GPS1: variants seen among roughly 807,000 people sequenced by gnomAD.
The protein encoded by GPS1 is COP9 signalosome complex subunit 1.
In GPS1, 11 loss-of-function variants were observed where a neutral mutation model predicts 60.0. The ratio of observed to expected loss-of-function variants is 0.18; its 90% CI spans 0.12 to 0.30. The LOEUF is 0.30. Among genes scored for constraint, GPS1 ranks in the 10% least tolerant of loss-of-function variants. The pLI is 1.00. For missense variants in GPS1, 543 were observed against 669.2 expected, an observed-to-expected ratio of 0.81 and a Z score of 2.08; for synonymous variants, 343 against 269.8, an observed-to-expected ratio of 1.27 and a Z score of -2.66.
intron 2 of GPS1, 97 bp from the exon 3 acceptor site, chr17:82,053,771 T>C: frequency 8.1e-7 from 1 of 1,239,308 alleles, no homozygotes; most frequent in East Asian, 2.5e-5. Flanking sequence ...GGCGACATTC[T>C]GGCTAGGACA....
chr17:82,057,013 G>A lies in GPS1; in HGVS notation c.1389+39G>A, dbSNP rs1053501423. On this transcript the variant is annotated intron_variant, in intron 12 of 12. Coordinates refer to ENST00000578552, the MANE Select transcript of GPS1 (RefSeq NM_001321092.3). ...AGGGGGGGCAGGCGCACGGCGTGTG[G>A]GGCCTGGTGGCTGTGAGCTGCTCCT... is the stretch of plus-strand genomic sequence containing the variant. The A allele has an allele frequency of 3.7e-6, 6 of 1,611,494 alleles. No individual in the cohort carries two copies. The South Asian group carries it at 5.5e-5, about 15-fold the overall frequency.
chr17:82,056,694 C>A lies in GPS1; in HGVS notation c.1182C>A (p.Ala394=), dbSNP rs780251135. 6.3e-7 allele frequency: 1 copy of A among 1,595,636 alleles called. No homozygotes were observed. ...CGGCAGCCTTCAATACCACGGTGGCCGCCCTGGAGGACGAGCTGACGCAGC... is the reference window on the plus strand; with the variant it reads ...CGGCAGCCTTCAATACCACGGTGGCAGCCCTGGAGGACGAGCTGACGCAGC... ...RMAAAFNTTV[A]ALEDELTQLI... The change falls in exon 11 of 13, where the codon GCC becomes GCA. Residue 394 remains alanine, a synonymous_variant. Transcript: ENST00000578552.
rs534337750 is a variant in GPS1 at position 82,053,854 on chromosome 17, G to T, written c.127-14G>T. On this transcript the variant is annotated splice_polypyrimidine_tract_variant and intron_variant, in intron 2 of 12. Coordinates refer to ENST00000578552, the MANE Select transcript of GPS1 (RefSeq NM_001321092.3). ...CTCCCATCCTGCCTGACTCTTGTCTGTGCCTGCTCCCAGGATCTGGAACAG... is the reference window on the plus strand; with the variant it reads ...CTCCCATCCTGCCTGACTCTTGTCTTTGCCTGCTCCCAGGATCTGGAACAG... 5.4e-5 allele frequency: 87 copies of T among 1,600,178 alleles called. No homozygotes were observed. The highest frequency in any genetic ancestry group is 7.3e-5 in the Non-Finnish European group (86 of 1,173,664).
intron 6 of GPS1, chr17:82,055,428 G>A: frequency 1.6e-6 from 1 of 638,188 alleles, no homozygotes; most frequent in Non-Finnish European, 2.8e-6. Context: ...GGGTCTGGCT[G>A]CTGTCACTGT....
chr17:82,051,914 C>A lies in GPS1; in HGVS notation c.-18C>A. 8.6e-7 allele frequency: 1 copy of A among 1,161,636 alleles called. No homozygotes were observed. The highest frequency in any genetic ancestry group is 1.1e-6 in the Non-Finnish European group (1 of 941,770). 72.0% of individuals were successfully genotyped at this position (1,161,636 alleles called of 1,614,324 possible). On this transcript the variant is annotated 5_prime_UTR_variant, in exon 1 of 13. Transcript: ENST00000578552. This position sits in a 1 kb window ranked among gnomAD's most constrained non-coding sequence, Gnocchi z 4.1. Reference sequence around the variant, plus strand: ...TGCCCCGGAAGTGGACGGCACGCCGCGGCGGGGTGGGTGCAAGATGCCGCT... The same window carrying A: ...TGCCCCGGAAGTGGACGGCACGCCGAGGCGGGGTGGGTGCAAGATGCCGCT...
In GPS1 at chr17:82,057,073, C is replaced by A; in HGVS notation, c.1410C>A (p.Ser470Arg). 1 of 1,586,110 alleles carries A rather than the reference C, an allele frequency of 6.3e-7. No homozygotes were observed. Among genetic ancestry groups the A allele is most frequent in the South Asian group, 1.1e-5 (1 of 87,154 alleles). The change falls in exon 13 of 13, where the codon AGC becomes AGA. Residue 470 changes from serine (S) to arginine (R), a missense_variant. Physicochemically the swap from Ser to Arg is moderately radical, Grantham distance 110. Coordinates refer to ENST00000578552, the MANE Select transcript of GPS1 (RefSeq NM_001321092.3). The stretch of plus-strand genomic sequence containing the variant: ...TGCAGTCCCCGCCCAGAGAAGGGAG[C>A]CAGGGGGAGCTGACTCCAGCCAACA... ...IHVKSPPREG[S>R]QGELTPANSQ... is the part of the protein sequence containing the mutation.
At chr17:82,051,051 G>A (rs1049925607), upstream of GPS1, 10 of 1,389,460 alleles carry the variant, frequency 7.2e-6, no homozygotes, top group African/African-American at 4.4e-5. This position sits in a 1 kb window ranked among gnomAD's most constrained non-coding sequence, Gnocchi z 4.1. Context: ...CGCTTCTTCA[G>A]GGGACGTGGC....
chr17:82,055,308 T>TA, intron 6 of GPS1, 86 bp downstream of exon 6: 1 of 1,383,116 alleles, frequency 7.2e-7, no homozygotes, highest in Non-Finnish European at 1.0e-6. Flanking sequence ...GGTCCCTGCC[T>TA]CAGCCAGGGA....
intron 7 of GPS1, 24 bp downstream of exon 7, chr17:82,055,849 G>A (rs1160118852): frequency 1.3e-6 from 2 of 1,549,748 alleles, no homozygotes; most frequent in East Asian, 2.4e-5. Flanking sequence ...TGGGGACTTG[G>A]GAGGCAGAGC....
chr17:82,054,495 C>T lies in GPS1; in HGVS notation c.309-15C>T. 6.7e-7 allele frequency: 1 copy of T among 1,490,508 alleles called. No individual in the cohort carries two copies. The highest frequency in any genetic ancestry group is 8.9e-7 in the Non-Finnish European group (1 of 1,123,750). The allele number at this position is 1,490,508 out of a possible 1,614,324, so 92.3% of individuals were successfully genotyped here. A position where few individuals can be genotyped will look rare whatever the true frequency, so the allele number is the denominator to read the frequency against. Reference sequence around the variant, plus strand: ...CCGTGACCGCCGCCATCCTGATGGCCAGGTCCTCTCTCAGGGAGCTGCAGA... The same window carrying T: ...CCGTGACCGCCGCCATCCTGATGGCTAGGTCCTCTCTCAGGGAGCTGCAGA... On this transcript the variant is annotated splice_polypyrimidine_tract_variant and intron_variant, in intron 3 of 12. Transcript: ENST00000578552.
intron 1 of GPS1, chr17:82,052,692 G>A: frequency 1.8e-6 from 1 of 560,074 alleles, no homozygotes; most frequent in South Asian, 2.2e-5. Flanking sequence ...CGGCATGGCG[G>A]CTTTTCCAGC....
Position 82,051,974 on chromosome 17 carries a change from C to T in GPS1, c.33+10C>T, listed in dbSNP as rs564117327. ...GGTGTTTAACTTGCAGGTAACGAGC[C>T]GAGGCCGCCCCGGGCCTCCGCGCCC... is the stretch of plus-strand genomic sequence containing the variant. On this transcript the variant is annotated intron_variant, in intron 1 of 12. Coordinates refer to ENST00000578552, the MANE Select transcript of GPS1 (RefSeq NM_001321092.3). The surrounding 1 kb of genome is among the most constrained non-coding windows in gnomAD (Gnocchi z 4.1). 41 of 1,158,812 alleles carry T rather than the reference C, an allele frequency of 3.5e-5. No individual in the cohort carries two copies. The South Asian group carries it at 1.5e-3, about 44-fold the overall frequency. The allele number at this position is 1,158,812 out of a possible 1,614,324, so 71.8% of individuals were successfully genotyped here. A position where few individuals can be genotyped will look rare whatever the true frequency, so the allele number is the denominator to read the frequency against.
At chr17:82,051,616 C>G (rs1278573828), upstream of GPS1, 5 of 1,148,860 alleles carry the variant, frequency 4.4e-6, no homozygotes, top group Non-Finnish European at 5.4e-6. The surrounding 1 kb of genome is among the most constrained non-coding windows in gnomAD (Gnocchi z 4.1). Flanking sequence ...CTGGGGGCAG[C>G]GGGCCGGGAC....
upstream of GPS1, chr17:82,051,283 G>T: frequency 7.2e-7 from 1 of 1,383,582 alleles, no homozygotes; most frequent in Non-Finnish European, 9.4e-7. The surrounding 1 kb of genome is among the most constrained non-coding windows in gnomAD (Gnocchi z 4.1). Context: ...CGGGGAGTGG[G>T]GGACACTCAC....
Position 82,052,331 on chromosome 17 carries a change from T to C in GPS1, c.33+367T>C, listed in dbSNP as rs146708684. ...AATGAGGGATAGCTCGGCCCCCAGC[T>C]CGGCCTCCTCGTCAGTGACAGATCT... On this transcript the variant is annotated intron_variant, in intron 1 of 12. Transcript: ENST00000578552. 67 of 1,612,922 alleles carry C rather than the reference T, an allele frequency of 4.2e-5. No homozygotes were observed. In the African/African-American group the frequency reaches 8.7e-4, roughly 21 times the overall value.
intron 1 of GPS1, chr17:82,052,177 G>A: frequency 1.5e-6 from 2 of 1,295,924 alleles, no homozygotes; most frequent in East Asian, 3.0e-5. Flanking sequence ...GCCGGGCCGC[G>A]CCCGCCCCGC....
In GPS1 at chr17:82,054,919, T is replaced by G; in HGVS notation, c.631T>G (p.Trp211Gly). The G allele has an allele frequency of 1.3e-6, 2 of 1,599,592 alleles. No homozygotes were observed. The highest frequency in any genetic ancestry group is 1.7e-6 in the Non-Finnish European group (2 of 1,170,734). The change falls in exon 5 of 13, where the codon TGG becomes GGG. Residue 211 changes from tryptophan (W) to glycine (G), a missense_variant. Physicochemically the swap from Trp to Gly is radical, Grantham distance 184. Coordinates refer to ENST00000578552, the MANE Select transcript of GPS1 (RefSeq NM_001321092.3). ...VIKVSVYLQNWSHVLSYVSKA... is the reference protein window; with the variant it reads ...VIKVSVYLQNGSHVLSYVSKA... ...CCAGGTCAGCGTCTACTTGCAGAAT[T>G]GGTCTCATGTGCTCAGCTACGTCAG...
chr17:82,051,621 C>G, upstream of GPS1: 1 of 1,096,036 alleles, frequency 9.1e-7, no homozygotes, highest in Non-Finnish European at 1.1e-6. The surrounding 1 kb of genome is among the most constrained non-coding windows in gnomAD (Gnocchi z 4.1). Flanking sequence ...GGCAGCGGGC[C>G]GGGACGGGGG....
At chr17:82,051,078 G>C (rs771950209), upstream of GPS1, 4 of 1,370,326 alleles carry the variant, frequency 2.9e-6, no homozygotes, top group South Asian at 5.6e-5. This position sits in a 1 kb window ranked among gnomAD's most constrained non-coding sequence, Gnocchi z 4.1. Context: ...CCCACGCCCC[G>C]GGAAGCGGCT....
Sources: allele counts gnomAD v4.1 joint callset, GRCh38; gene constraint gnomAD v4.1.1; non-coding constraint Gnocchi (gnomAD v3.1); transcripts MANE v1.5; gene names NCBI Gene and HGNC (gene_info 2026-07-23, HGNC 2026-07-21).